The following TTC27 variants were observed in gnomAD, a reference collection of about 807,000 sequenced individuals.
The protein encoded by TTC27 is tetratricopeptide repeat protein 27.
TTC27 carries 79 observed loss-of-function variants against 115.9 expected under a neutral mutation model. That is an observed-to-expected ratio of 0.68 (90% CI 0.57 to 0.82). The LOEUF (loss-of-function observed/expected upper bound fraction) is 0.82. Among genes scored for constraint, TTC27 ranks in the 40% least tolerant of loss-of-function variants. TTC27 has a pLI of 0.00. For synonymous variants in TTC27, 401 were observed against 356.0 expected, an observed-to-expected ratio of 1.13 and a Z score of -1.42; for missense variants, 1,054 against 993.1, an observed-to-expected ratio of 1.06 and a Z score of -0.82.
At chr2:32,795,771 G>A (rs957263604) in intron 16 of TTC27, among the ~76,000 whole-genome samples, 1 of 99,174 alleles carries the variant, frequency 1.0e-5, no homozygotes, top group African/African-American at 3.9e-5. Context: ...TAGAGATGGG[G>A]TTTCACTGTG....
intron 4 of TTC27, among the ~76,000 whole-genome samples, chr2:32,642,617 G>A (rs1436196387): frequency 3.3e-5 from 5 of 152,000 alleles, no homozygotes; most frequent in African/African-American, 9.7e-5. Flanking sequence ...TCTCATGAGA[G>A]CCAGAGGATT....
chr2:32,740,316 C>T (rs569046762), intron 12 of TTC27, among the ~76,000 whole-genome samples: 1 of 152,264 alleles, frequency 6.6e-6, no homozygotes, highest in Non-Finnish European at 1.5e-5. Context: ...ATGGTCCTAT[C>T]TTTTATTATG....
rs1461531344 is a variant in TTC27, at chr2:32,645,775, GGC to G, written c.538-4354_538-4353del. Among the ~76,000 whole-genome samples, 8 of 151,518 alleles carry G rather than the reference GGC, an allele frequency of 5.3e-5. No homozygotes were observed. The East Asian group carries it at 5.9e-4, about 11-fold the overall frequency. ...TCTGTCGCCCAGGCTGGAGTGCAGT[GGC>G]GTGATCTCAGCTCAGTGCAACCTCC... On this transcript the variant is annotated intron_variant, in intron 4 of 19. Transcript: ENST00000317907.
At position 32,723,971 on chromosome 2, in the gene TTC27, C is replaced by CTTTTTTTT. The variant is rs36120062; in HGVS notation, c.1234-9847_1234-9840dup. 9.1e-4 allele frequency among the ~76,000 whole-genome samples: 84 copies of CTTTTTTTT among 92,418 alleles called. 8 individuals carry two copies. Among genetic ancestry groups the CTTTTTTTT allele is most frequent in the East Asian group, 3.0e-3 (8 of 2,648 alleles). 60.6% of individuals were successfully genotyped at this position (92,418 alleles called of 152,430 possible). On this transcript the variant is annotated intron_variant, in intron 10 of 19. Transcript: ENST00000317907. ...TGAGCCACCAGCTGGCATACATAAGCTTTTTTTTTTTTTTTTTATAGAAAG... is the reference window on the plus strand; with the variant it reads ...TGAGCCACCAGCTGGCATACATAAGCTTTTTTTTTTTTTTTTTTTTTTTTTATAGAAAG...
intron 13 of TTC27, among the ~76,000 whole-genome samples, chr2:32,764,492 T>A (rs1201171696): frequency 6.6e-6 from 1 of 152,222 alleles, no homozygotes; most frequent in African/African-American, 2.4e-5. Context: ...TGAGTTATCA[T>A]CTTTTTGCTG....
chr2:32,775,328 C>G (rs765569528), intron 13 of TTC27, among the ~76,000 whole-genome samples: 4 of 151,930 alleles, frequency 2.6e-5, no homozygotes, highest in Admixed American at 6.6e-5. Context: ...CTCCCGAGTA[C>G]CTGGGACTAC....
At chr2:32,741,174 C>G (rs967896502) in intron 12 of TTC27, among the ~76,000 whole-genome samples, 2 of 152,232 alleles carry the variant, frequency 1.3e-5, no homozygotes, top group Admixed American at 1.3e-4. Flanking sequence ...TTTCAGCTAA[C>G]TGCTACTTAT....
intron 5 of TTC27, among the ~76,000 whole-genome samples, chr2:32,663,438 C>G (rs879484977): frequency 2.0e-5 from 3 of 152,142 alleles, no homozygotes; most frequent in Non-Finnish European, 4.4e-5. Context: ...TTCCACGACC[C>G]CTTGTGCTTC....
At chr2:32,807,843 C>T (rs79005763) in intron 16 of TTC27, among the ~76,000 whole-genome samples, 2,190 of 151,732 alleles carry the variant, frequency 0.014, 18 homozygotes, top group South Asian at 0.042. Context: ...TTGTAACTTT[C>T]TCCTTCCTTG....
In TTC27 at chr2:32,792,570, G is replaced by A. The variant is rs183562722; in HGVS notation, c.1998+5421G>A. Among the ~76,000 whole-genome samples, 11 of 152,210 alleles carry A rather than the reference G, an allele frequency of 7.2e-5. No individual in the cohort carries two copies. In the East Asian group the frequency reaches 2.1e-3, roughly 29 times the overall value. On this transcript the variant is annotated intron_variant, in intron 16 of 19. Transcript: ENST00000317907. The stretch of plus-strand genomic sequence containing the variant: ...TCTCTGATAACTGAGGTTTGGGGAA[G>A]CCAAGGGTCAGGGTTATCAGACCAG...
At chr2:32,785,686 C>T (rs573898220) in intron 15 of TTC27, among the ~76,000 whole-genome samples, 13 of 152,192 alleles carry the variant, frequency 8.5e-5, no homozygotes, top group African/African-American at 2.7e-4. Context: ...ACCTCCACCT[C>T]CCGGGTTCAA....
intron 13 of TTC27, among the ~76,000 whole-genome samples, chr2:32,765,557 G>A (rs913587281): frequency 2.0e-5 from 3 of 152,130 alleles, no homozygotes; most frequent in African/African-American, 7.2e-5. Context: ...AAAGTCACCA[G>A]GTGTATTAGC....
At chr2:32,820,127 T>C (rs1671632833) in intron 19 of TTC27, among the ~76,000 whole-genome samples, 1 of 152,202 alleles carries the variant, frequency 6.6e-6, no homozygotes, top group South Asian at 2.1e-4. Flanking sequence ...ATAAAACATA[T>C]ACACAGTCGC....
intron 16 of TTC27, among the ~76,000 whole-genome samples, chr2:32,799,569 T>C (rs1670851477): frequency 1.3e-5 from 2 of 152,292 alleles, no homozygotes; most frequent in South Asian, 4.1e-4. Flanking sequence ...AAGTAGATAC[T>C]GATAAAAGTG....
intron 16 of TTC27, among the ~76,000 whole-genome samples, chr2:32,805,252 G>A (rs1038416431): frequency 1.3e-5 from 2 of 152,156 alleles, no homozygotes; most frequent in Non-Finnish European, 2.9e-5. Flanking sequence ...GTTGCTGGGT[G>A]GGTTACATGT....
intron 13 of TTC27, among the ~76,000 whole-genome samples, chr2:32,764,200 C>G (rs991893419): frequency 6.6e-6 from 1 of 152,138 alleles, no homozygotes; most frequent in Non-Finnish European, 1.5e-5. Flanking sequence ...CAGTCACTCA[C>G]CTTTGTGAGA....
intron 10 of TTC27, among the ~76,000 whole-genome samples, chr2:32,721,015 G>T (rs578032293): frequency 6.6e-6 from 1 of 152,320 alleles, no homozygotes; most frequent in African/African-American, 2.4e-5. Flanking sequence ...ATTAAAGAAG[G>T]ACTGGGAAGT....
At chr2:32,756,308 G>C (rs1179923725) in intron 12 of TTC27, among the ~76,000 whole-genome samples, 1 of 152,340 alleles carries the variant, frequency 6.6e-6, no homozygotes, top group East Asian at 1.9e-4. Flanking sequence ...CAAAAATTCT[G>C]CTGCGGCTAC....
intron 10 of TTC27, among the ~76,000 whole-genome samples, chr2:32,724,618 A>G (rs1260364254): frequency 6.6e-6 from 1 of 152,228 alleles, no homozygotes; most frequent in Non-Finnish European, 1.5e-5. Context: ...ACTTACAAAA[A>G]ACTTGTGCCA....
Sources: gnomAD v4.1 joint callset for allele counts (sites outside exome capture counted in the v4.1 genomes callset) on GRCh38, gnomAD v4.1.1 for gene constraint, MANE v1.5 for transcripts, NCBI Gene and HGNC (gene_info 2026-07-23, HGNC 2026-07-21) for gene names.